The following KCNB2 variants were observed in gnomAD, a reference collection of about 807,000 sequenced individuals.
KCNB2 encodes potassium voltage-gated channel subfamily B member 2.
KCNB2 carries 15 observed loss-of-function variants against 61.5 expected under a neutral mutation model. The observed-to-expected ratio is 0.24, with a 90% CI of 0.16 to 0.38. The LOEUF (loss-of-function observed/expected upper bound fraction) is 0.38. Ranked by LOEUF, KCNB2 falls within the 10% of genes least tolerant of loss-of-function variation. The pLI is 1.00. For missense variants in KCNB2, 828 were observed against 1,125.2 expected (o/e 0.74, Z 3.78); for synonymous variants, 457 against 446.0 (o/e 1.02, Z -0.31).
At chr8:72,734,615 T>C (rs1807806996) in intron 2 of KCNB2, among the ~76,000 whole-genome samples, 1 of 152,138 alleles carries the variant, frequency 6.6e-6, no homozygotes, top group Non-Finnish European at 1.5e-5. Context: ...TAACCATGAA[T>C]GAATATTCCC....
At chr8:72,736,481 G>A (rs1488940755) in intron 2 of KCNB2, among the ~76,000 whole-genome samples, 5 of 151,970 alleles carry the variant, frequency 3.3e-5, no homozygotes, top group African/African-American at 7.3e-5. Context: ...TGATTAACTC[G>A]TCTTAAGAAT....
At chr8:72,676,954 C>T (rs928190107) in intron 2 of KCNB2, among the ~76,000 whole-genome samples, 28 of 152,104 alleles carry the variant, frequency 1.8e-4, no homozygotes, top group Non-Finnish European at 3.1e-4. Context: ...CTGTTGAACT[C>T]TTAACCCCTC....
At chr8:72,803,273 G>A (rs1272393095) in intron 2 of KCNB2, among the ~76,000 whole-genome samples, 3 of 152,118 alleles carry the variant, frequency 2.0e-5, no homozygotes, top group Admixed American at 1.3e-4. Flanking sequence ...TGTGGACACA[G>A]CAGTCCACCC....
intron 2 of KCNB2, among the ~76,000 whole-genome samples, chr8:72,914,119 T>C (rs949274319): frequency 1.3e-5 from 2 of 152,196 alleles, no homozygotes; most frequent in South Asian, 4.1e-4. Flanking sequence ...ATTTCTTTGT[T>C]TGTAGATGGT....
intron 2 of KCNB2, among the ~76,000 whole-genome samples, chr8:72,890,247 C>A (rs1278466858): frequency 6.6e-6 from 1 of 152,116 alleles, no homozygotes; most frequent in Admixed American, 6.6e-5. Context: ...ATACCAGGCA[C>A]CAAAACTACA....
chr8:72,578,855 C>G (rs1028536446), intron 2 of KCNB2, among the ~76,000 whole-genome samples: 3 of 152,194 alleles, frequency 2.0e-5, no homozygotes, highest in Admixed American at 6.5e-5. Context: ...TTTTCTCCCC[C>G]GTTGCACTTT....
At chr8:72,580,348 C>T (rs1371965603) in intron 2 of KCNB2, among the ~76,000 whole-genome samples, 1 of 152,118 alleles carries the variant, frequency 6.6e-6, no homozygotes, top group African/African-American at 2.4e-5. Context: ...GTCGAGTGCC[C>T]CACACTAATG....
At chr8:72,821,634 AAAAAAAC>A (rs1368666728) in intron 2 of KCNB2, among the ~76,000 whole-genome samples, 87 of 93,092 alleles carry the variant, frequency 9.3e-4, no homozygotes, top group African/African-American at 4.2e-3. Context: ...ACACACACAA[AAAAAAAC>A]AAAAAAAAAA....
chr8:72,819,033 G>C (rs1809449463), intron 2 of KCNB2, among the ~76,000 whole-genome samples: 1 of 152,168 alleles, frequency 6.6e-6, no homozygotes, highest in Admixed American at 6.6e-5. Context: ...AACTGAGAAA[G>C]TAAGCTCATC....
At chr8:72,556,345 A>T (rs1292032038) in intron 1 of KCNB2, among the ~76,000 whole-genome samples, 2 of 152,072 alleles carry the variant, frequency 1.3e-5, no homozygotes, top group Non-Finnish European at 1.5e-5. Flanking sequence ...GTAGCTTCCT[A>T]GTGTTTTACA....
At position 72,775,361 on chromosome 8, in the gene KCNB2, C is replaced by T. The variant is rs183472307; in HGVS notation, c.580-160574C>T. 3.1e-3 allele frequency among the ~76,000 whole-genome samples: 479 copies of T among 152,284 alleles called. 1 individual carries two copies. The highest frequency in any genetic ancestry group is 9.4e-3 in the African/African-American group (392 of 41,552). On this transcript the variant is annotated intron_variant, in intron 2 of 2. Coordinates refer to ENST00000523207, the MANE Select transcript of KCNB2 (RefSeq NM_004770.3). Reference sequence around the variant, plus strand: ...TGTGCCTGCAGAGCAAAGCCATCTGCGGCCAGATTGTGGACCCAGGCTGCC... The same window carrying T: ...TGTGCCTGCAGAGCAAAGCCATCTGTGGCCAGATTGTGGACCCAGGCTGCC...
chr8:72,605,962 T>A (rs894293263), intron 2 of KCNB2, among the ~76,000 whole-genome samples: 3 of 151,770 alleles, frequency 2.0e-5, no homozygotes, highest in Non-Finnish European at 4.4e-5. Context: ...AGGAAGAAAA[T>A]TGTCAAATTA....
At chr8:72,773,710 T>G (rs1808601323) in intron 2 of KCNB2, among the ~76,000 whole-genome samples, 1 of 152,246 alleles carries the variant, frequency 6.6e-6, no homozygotes, top group Non-Finnish European at 1.5e-5. Context: ...ATCTTTCAAC[T>G]TATCAAATAT....
intron 2 of KCNB2, among the ~76,000 whole-genome samples, chr8:72,732,461 G>C (rs1655794912): frequency 6.6e-6 from 1 of 152,218 alleles, no homozygotes; most frequent in Non-Finnish European, 1.5e-5. Context: ...CATTGTGCTG[G>C]TCACTTTCTA....
chr8:72,772,052 A>G (rs998341610), intron 2 of KCNB2, among the ~76,000 whole-genome samples: 5 of 152,130 alleles, frequency 3.3e-5, no homozygotes, highest in Non-Finnish European at 7.3e-5. Flanking sequence ...AACCCACCAA[A>G]ACACCAGTTA....
chr8:72,571,649 T>C (rs1353208515), intron 2 of KCNB2, among the ~76,000 whole-genome samples: 4 of 152,190 alleles, frequency 2.6e-5, no homozygotes, highest in African/African-American at 7.2e-5. Context: ...GTACATGTCC[T>C]CATATAGAAA....
intron 2 of KCNB2, among the ~76,000 whole-genome samples, chr8:72,575,680 A>G (rs1323747358): frequency 1.3e-5 from 2 of 152,168 alleles, no homozygotes; most frequent in East Asian, 1.9e-4. Flanking sequence ...CTACATTTCT[A>G]GTTTGTTCCA....
At chr8:72,715,728 A>G (rs1341145294) in intron 2 of KCNB2, among the ~76,000 whole-genome samples, 2 of 152,250 alleles carry the variant, frequency 1.3e-5, no homozygotes, top group African/African-American at 2.4e-5. Flanking sequence ...TAAAATTGAC[A>G]TCCTAACATC....
intron 2 of KCNB2, among the ~76,000 whole-genome samples, chr8:72,586,853 G>C (rs1034559547): frequency 6.6e-6 from 1 of 152,178 alleles, no homozygotes. Context: ...TCCAGTCCTA[G>C]GACCTGGGTC....
Sources: gnomAD v4.1 joint callset for allele counts (sites outside exome capture counted in the v4.1 genomes callset) on GRCh38, gnomAD v4.1.1 for gene constraint, MANE v1.5 for transcripts, NCBI Gene and HGNC (gene_info 2026-07-23, HGNC 2026-07-21) for gene names.